CDH13: variants seen among roughly 807,000 people sequenced by gnomAD.
The protein encoded by CDH13 is cadherin-13.
In CDH13, 24 loss-of-function variants were observed where a neutral mutation model predicts 63.8. The observed-to-expected ratio is 0.38, with a 90% CI of 0.27 to 0.53. CDH13 has a LOEUF of 0.53. Among genes scored for constraint, CDH13 ranks in the 20% least tolerant of loss-of-function variants. The pLI is 0.85. For missense variants in CDH13, 1,049 were observed against 903.1 expected (o/e 1.16, Z -2.07); for synonymous variants, 503 against 355.3 (o/e 1.42, Z -4.67).
chr16:83,397,875 A>T (rs1171279807), intron 6 of CDH13: 2 of 152,220 alleles, frequency 1.3e-5, no homozygotes, highest in Non-Finnish European at 2.9e-5. Flanking sequence ...TAAATGAAGA[A>T]ATCCCCCAGA....
intron 5 of CDH13, among the ~76,000 whole-genome samples, chr16:83,310,876 C>T (rs774146604): frequency 6.6e-6 from 1 of 152,162 alleles, no homozygotes; most frequent in Non-Finnish European, 1.5e-5. Flanking sequence ...CCAACTGAGC[C>T]AGTTTGGAGG....
chr16:83,297,688 A>C (rs1419824237), intron 5 of CDH13, among the ~76,000 whole-genome samples: 1 of 152,170 alleles, frequency 6.6e-6, no homozygotes, highest in Non-Finnish European at 1.5e-5. Flanking sequence ...AGTCAAGGAG[A>C]TTTCAGTGTC....
chr16:83,666,847 A>G (rs1450499076), intron 8 of CDH13, among the ~76,000 whole-genome samples: 1 of 152,074 alleles, frequency 6.6e-6, no homozygotes, highest in African/African-American at 2.4e-5. Context: ...ACACACACAC[A>G]CACAGACTCC....
At chr16:83,389,570 C>A (rs542858832) in intron 6 of CDH13, among the ~76,000 whole-genome samples, 2 of 152,320 alleles carry the variant, frequency 1.3e-5, no homozygotes, top group South Asian at 2.1e-4. Flanking sequence ...CCACATAATG[C>A]TGCCTTATTG....
chr16:83,195,451 G>A (rs187650586), intron 4 of CDH13, among the ~76,000 whole-genome samples: 292 of 152,300 alleles, frequency 1.9e-3, no homozygotes, highest in Non-Finnish European at 3.3e-3. Flanking sequence ...AAGCATGGCA[G>A]AAGGCAAAGT....
At position 82,657,688 on chromosome 16, in the gene CDH13, T is replaced by C. The variant is rs183187845; in HGVS notation, c.45+30551T>C. On this transcript the variant is annotated intron_variant, in intron 1 of 13. Transcript: ENST00000567109. ...TGTAAATATTCCAATTTGGGGAGGG[T>C]AATGTAAATTGTATTGTGTTTTAAA... Among the ~76,000 whole-genome samples the C allele has an allele frequency of 2.1e-3, 313 of 152,270 alleles. 1 individual carries two copies. The highest frequency in any genetic ancestry group is 8.7e-3 in the South Asian group (42 of 4,830).
At chr16:82,830,066 C>A (rs1174818739) in intron 1 of CDH13, among the ~76,000 whole-genome samples, 1 of 152,162 alleles carries the variant, frequency 6.6e-6, no homozygotes, top group Non-Finnish European at 1.5e-5. Context: ...AGCAGTCCTA[C>A]AATAAAAATG....
chr16:82,641,877 G>A (rs957713060), intron 1 of CDH13, among the ~76,000 whole-genome samples: 1 of 152,160 alleles, frequency 6.6e-6, no homozygotes, highest in Non-Finnish European at 1.5e-5. Context: ...GGTATGTGAT[G>A]TCTGCAGGAG....
intron 2 of CDH13, among the ~76,000 whole-genome samples, chr16:82,896,276 A>ATTTTGTTTTTTTTTT (rs2041253849): frequency 1.1e-5 from 1 of 87,816 alleles, no homozygotes; most frequent in Non-Finnish European, 2.2e-5. Context: ...TAGGATTAGG[A>ATTTTGTTTTTTTTTT]TTTTTTTTTT....
At chr16:83,789,870 T>A (rs1346016879) in intron 13 of CDH13, 2 of 152,068 alleles carry the variant, frequency 1.3e-5, no homozygotes, top group Admixed American at 1.3e-4. Flanking sequence ...CTGTGCCCGT[T>A]CTCTGCTGCA....
chr16:82,956,619 G>A (rs1906149377), intron 2 of CDH13, among the ~76,000 whole-genome samples: 1 of 152,106 alleles, frequency 6.6e-6, no homozygotes, highest in Non-Finnish European at 1.5e-5. Flanking sequence ...AGCAGCGCCT[G>A]TCCTTCATGA....
intron 5 of CDH13, among the ~76,000 whole-genome samples, chr16:83,256,936 T>C (rs1157947228): frequency 6.6e-6 from 1 of 152,010 alleles, no homozygotes; most frequent in Non-Finnish European, 1.5e-5. Flanking sequence ...TATTAGAATT[T>C]GTTGCTCGCC....
At chr16:82,996,762 G>C (rs577521009) in intron 2 of CDH13, among the ~76,000 whole-genome samples, 3 of 152,150 alleles carry the variant, frequency 2.0e-5, no homozygotes, top group African/African-American at 7.2e-5. Context: ...GATAACTATA[G>C]TGATGGTGAT....
chr16:83,731,275 G>C (rs28832642), intron 10 of CDH13, among the ~76,000 whole-genome samples: 26,966 of 152,136 alleles, frequency 0.18, 2,457 homozygotes, highest in Middle Eastern at 0.22. Context: ...ATTTACATTC[G>C]CACCAACAGT....
intron 1 of CDH13, among the ~76,000 whole-genome samples, chr16:82,695,002 G>A (rs1265617333): frequency 1.3e-5 from 2 of 152,128 alleles, no homozygotes; most frequent in African/African-American, 4.8e-5. Flanking sequence ...ATGTGTGTGG[G>A]GAGGGTGGAG....
At position 83,390,222 on chromosome 16, in the gene CDH13, C is replaced by T. The variant is rs17285278; in HGVS notation, c.781+45216C>T. Among the ~76,000 whole-genome samples, 3 of 152,224 alleles carry T rather than the reference C, an allele frequency of 2.0e-5. No individual in the cohort carries two copies. In the South Asian group the frequency reaches 6.2e-4, roughly 32 times the overall value. ...AAGCCCCTTCATACAGCTTTGAATG[C>T]ATACATTATGGGGTCTGTGGCTCAG... On this transcript the variant is annotated intron_variant, in intron 6 of 13. Coordinates refer to ENST00000567109, the MANE Select transcript of CDH13 (RefSeq NM_001257.5).
At chr16:83,615,556 C>T (rs1357405475) in intron 8 of CDH13, among the ~76,000 whole-genome samples, 1 of 152,148 alleles carries the variant, frequency 6.6e-6, no homozygotes, top group South Asian at 2.1e-4. Flanking sequence ...TGACAGTTTT[C>T]AGTGTGGCTG....
intron 1 of CDH13, among the ~76,000 whole-genome samples, chr16:82,630,448 TC>T (rs1907870258): frequency 6.6e-6 from 1 of 152,236 alleles, no homozygotes; most frequent in South Asian, 2.1e-4. Context: ...TCTTAGCTGA[TC>T]GCTCCTACTC....
At chr16:83,603,189 TA>T (rs1908013517) in intron 8 of CDH13, among the ~76,000 whole-genome samples, 1 of 152,236 alleles carries the variant, frequency 6.6e-6, no homozygotes, top group African/African-American at 2.4e-5. Flanking sequence ...ATTCAGTTGC[TA>T]AATTTGTACC....
Sources: gnomAD v4.1 joint callset for allele counts (sites outside exome capture counted in the v4.1 genomes callset) on GRCh38, gnomAD v4.1.1 for gene constraint, MANE v1.5 for transcripts, NCBI Gene and HGNC (gene_info 2026-07-23, HGNC 2026-07-21) for gene names.